Variants in ARMC10 observed in about 807,000 individuals in gnomAD.
The protein encoded by ARMC10 is armadillo repeat containing 10, also known as armadillo repeat-containing protein 10.
ARMC10 carries 23 observed loss-of-function variants against 30.2 expected under a neutral mutation model. The observed-to-expected ratio is 0.76, with a 90% CI of 0.55 to 1.08. ARMC10 has a LOEUF of 1.08. Ranked by LOEUF, ARMC10 falls within the 50% of genes least tolerant of loss-of-function variation. The pLI, the probability that ARMC10 is intolerant of heterozygous loss-of-function variation, is 0.00. For missense variants in ARMC10, 303 were observed against 413.7 expected, an observed-to-expected ratio of 0.73 and a Z score of 2.32; for synonymous variants, 111 against 164.4, an observed-to-expected ratio of 0.68 and a Z score of 2.48.
chr7:103,099,490 T>C lies in ARMC10; in HGVS notation c.*937T>C, dbSNP rs1241259567. ...CTGTCTCAAAAAAAAAAAAAAATGA[T>C]GGAGCTCCGAATGTGCTTAAGTGGA... On this transcript the variant is annotated 3_prime_UTR_variant, in exon 7 of 7. Transcript: ENST00000323716. The C allele has an allele frequency of 4.1e-5, 6 of 147,036 alleles. No individual in the cohort carries two copies. The East Asian group carries it at 1.2e-3, about 29-fold the overall frequency. The allele number at this position is 147,036 out of a possible 1,614,324, so 9.1% of individuals were successfully genotyped here. A position where few individuals can be genotyped will look rare whatever the true frequency, so the allele number is the denominator to read the frequency against.
At chr7:103,078,325 C>T (rs140863229) in intron 2 of ARMC10, among the ~76,000 whole-genome samples, 4 of 152,308 alleles carry the variant, frequency 2.6e-5, no homozygotes, top group South Asian at 2.1e-4. Context: ...GGGAGGGACC[C>T]GGTGGAAGGT....
Position 103,077,914 on chromosome 7 carries a change from A to G in ARMC10, c.244+2033A>G, listed in dbSNP as rs529829347. Among the ~76,000 whole-genome samples, 9 of 152,094 alleles carry G rather than the reference A, an allele frequency of 5.9e-5. 1 individual carries two copies. The highest frequency in any genetic ancestry group is 2.0e-4 in the Admixed American group (3 of 15,276). ...CTCACAGTCCCTTCTTCCTGAAGCT[A>G]CTCCTTTATCATTGAAGAAGACTTG... On this transcript the variant is annotated intron_variant, in intron 2 of 6. Transcript: ENST00000323716.
At chr7:103,086,366 C>T (rs1300144036) in intron 3 of ARMC10, among the ~76,000 whole-genome samples, 1 of 151,974 alleles carries the variant, frequency 6.6e-6, no homozygotes, top group African/African-American at 2.4e-5. Flanking sequence ...GTTATAGTAT[C>T]TCTATAAATT....
At chr7:103,092,708 A>T in intron 5 of ARMC10, 55 bp downstream of exon 5, 1 of 1,318,754 alleles carries the variant, frequency 7.6e-7, no homozygotes, top group East Asian at 2.5e-5. Flanking sequence ...TTTGCAGGCC[A>T]CCTATCTTAA....
rs537670554 is a variant in ARMC10, at chr7:103,092,753, A to G, written c.705+100A>G. 2.4e-4 allele frequency: 199 copies of G among 826,822 alleles called. 2 individuals carry two copies. The African/African-American group carries it at 3.2e-3, about 13-fold the overall frequency. The allele number at this position is 826,822 out of a possible 1,614,324, so 51.2% of individuals were successfully genotyped here. ...CCTCAAAGAGGAAGATTTATTAAAA[A>G]CTCACATGGGCCCAAGAAAGTATAT... On this transcript the variant is annotated intron_variant, in intron 5 of 6. Coordinates refer to ENST00000323716, the MANE Select transcript of ARMC10 (RefSeq NM_031905.5).
intron 6 of ARMC10, among the ~76,000 whole-genome samples, chr7:103,097,775 A>T (rs950520708): frequency 1.3e-5 from 2 of 152,174 alleles, no homozygotes; most frequent in Admixed American, 1.3e-4. Flanking sequence ...TCTAGTGGAG[A>T]GACAAAAATA....
rs1801991781 is a variant in ARMC10 at position 103,098,716 on chromosome 7, T to C, written c.*163T>C. ...TGGTTCTCAGATTTATTTTGGACTA[T>C]TTTGATGCCAAGTGAATATAAGAGC... On this transcript the variant is annotated 3_prime_UTR_variant, in exon 7 of 7. Coordinates refer to ENST00000323716, the MANE Select transcript of ARMC10 (RefSeq NM_031905.5). 5.1e-6 allele frequency: 6 copies of C among 1,176,240 alleles called. 1 individual carries two copies. Among genetic ancestry groups the C allele is most frequent in the Admixed American group, 2.8e-5 (1 of 36,258 alleles). 72.9% of individuals were successfully genotyped at this position (1,176,240 alleles called of 1,614,324 possible).
intron 4 of ARMC10, among the ~76,000 whole-genome samples, chr7:103,090,713 G>A (rs1801238925): frequency 7.6e-6 from 1 of 131,754 alleles, no homozygotes; most frequent in Non-Finnish European, 1.5e-5. Context: ...ACCAGTTTGG[G>A]TGAGAACCCA....
Position 103,075,201 on chromosome 7 carries a change from T to C in ARMC10, c.-72T>C, listed in dbSNP as rs1412263370. ...CTGTGGCGGCTAGGCCCGCGTGCGC[T>C]GGAGACCTCCGCGCTGGCCCCCGCG... On this transcript the variant is annotated 5_prime_UTR_variant, in exon 1 of 7. Transcript: ENST00000323716. The C allele has an allele frequency of 3.7e-6, 4 of 1,084,254 alleles. No individual in the cohort carries two copies. Among genetic ancestry groups the C allele is most frequent in the Non-Finnish European group, 4.5e-6 (4 of 885,900 alleles). The allele number at this position is 1,084,254 out of a possible 1,614,324, so 67.2% of individuals were successfully genotyped here. A position where few individuals can be genotyped will look rare whatever the true frequency, so the allele number is the denominator to read the frequency against.
intron 4 of ARMC10, chr7:103,087,046 C>G: frequency 1.6e-6 from 1 of 617,134 alleles, no homozygotes; most frequent in South Asian, 2.3e-5. Flanking sequence ...GCTATAGGCA[C>G]CAACCAAATA....
chr7:103,087,229 T>C (rs1036138857), intron 4 of ARMC10, among the ~76,000 whole-genome samples: 8 of 152,246 alleles, frequency 5.3e-5, no homozygotes, highest in African/African-American at 1.9e-4. Context: ...TATGAGTGTA[T>C]TGCAAAGTGT....
At chr7:103,080,445 G>C (rs1442466595) in intron 2 of ARMC10, among the ~76,000 whole-genome samples, 2 of 151,864 alleles carry the variant, frequency 1.3e-5, no homozygotes, top group African/African-American at 4.8e-5. Flanking sequence ...AGTAGAGACG[G>C]GGTTTCACCA....
Position 103,083,813 on chromosome 7 carries a change from G to C in ARMC10, c.376G>C (p.Ala126Pro). 2 of 1,613,916 alleles carry C rather than the reference G, an allele frequency of 1.2e-6. No individual in the cohort carries two copies. The highest frequency in any genetic ancestry group is 1.1e-5 in the South Asian group (1 of 91,070). Residue 126 changes from alanine (A) to proline (P), a missense_variant, in exon 3 of 7, where the codon GCC becomes CCC. Around this residue, in one of 4 missense-constraint regions of ARMC10, gnomAD observed 170 missense variants for 207.2 expected, o/e 0.82. Coordinates refer to ENST00000323716, the MANE Select transcript of ARMC10 (RefSeq NM_031905.5). ...RALITLGNNAAFSVNQAIIRE... is the reference protein window; with the variant it reads ...RALITLGNNAPFSVNQAIIRE... ...TTTGATTACTTTGGGTAACAATGCAGCCTTTTCAGTTAACCAAGTAAGTAC... is the reference window on the plus strand; with the variant it reads ...TTTGATTACTTTGGGTAACAATGCACCCTTTTCAGTTAACCAAGTAAGTAC...
At position 103,092,603 on chromosome 7, in the gene ARMC10, T is replaced by TA. The variant is rs1321339760; in HGVS notation, c.656dup (p.Tyr219Ter). ...TNDHQHMLHS[Y>*]ITDLFQVLLT... Reference sequence around the variant, plus strand: ...TGACCACCAGCACATGCTTCACAGTTACATTACAGACCTGTTCCAGGTGTT... The same window carrying TA: ...TGACCACCAGCACATGCTTCACAGTTAACATTACAGACCTGTTCCAGGTGTT... The change falls in exon 5 of 7, where the codon TAC becomes TAAC. Residue 219 changes from tyrosine to a stop codon, truncating the protein, a stop_gained and frameshift_variant. Coordinates refer to ENST00000323716, the MANE Select transcript of ARMC10 (RefSeq NM_031905.5). LOFTEE classifies it high-confidence loss of function. 1 of 1,607,288 alleles carries TA rather than the reference T, an allele frequency of 6.2e-7. No homozygotes were observed. Among genetic ancestry groups the TA allele is most frequent in the Non-Finnish European group, 8.5e-7 (1 of 1,174,582 alleles).
intron 5 of ARMC10, among the ~76,000 whole-genome samples, chr7:103,095,357 G>A (rs1278738061): frequency 6.6e-6 from 1 of 152,226 alleles, no homozygotes; most frequent in East Asian, 1.9e-4. Context: ...GCCTCCCAAA[G>A]TGCTGGGAAT....
At chr7:103,083,093 C>T (rs968373868) in intron 2 of ARMC10, 2 of 456,630 alleles carry the variant, frequency 4.4e-6, no homozygotes, top group Non-Finnish European at 8.8e-6. Context: ...GGGTGTACCT[C>T]GTTTTTAAAA....
chr7:103,090,101 A>G (rs1801183071), intron 4 of ARMC10, among the ~76,000 whole-genome samples: 1 of 152,212 alleles, frequency 6.6e-6, no homozygotes, highest in Non-Finnish European at 1.5e-5. Flanking sequence ...GGAAGGAGAG[A>G]ATTCCAAGAG....
chr7:103,087,150 A>G (rs756699445), intron 4 of ARMC10, among the ~76,000 whole-genome samples: 14 of 152,354 alleles, frequency 9.2e-5, no homozygotes, highest in Admixed American at 8.5e-4. Context: ...ATCCGATGCT[A>G]CATATTCATA....
chr7:103,095,734 C>A (rs756757727), intron 5 of ARMC10: 6 of 152,136 alleles, frequency 3.9e-5, no homozygotes, highest in Non-Finnish European at 2.9e-5. Flanking sequence ...CACATATACA[C>A]CATGGAATAC....
Sources: allele counts gnomAD v4.1 joint callset (sites outside exome capture counted in the v4.1 genomes callset), GRCh38; gene constraint gnomAD v4.1.1; regional missense constraint gnomAD v4.1.1; transcripts MANE v1.5; gene names NCBI Gene and HGNC (gene_info 2026-07-23, HGNC 2026-07-21).